Variants in EVA1C observed in about 807,000 individuals in gnomAD.
EVA1C encodes the protein protein eva-1 homolog C.
Under a neutral mutation model 45.4 loss-of-function variants are expected in EVA1C, and 25 were observed. That is an observed-to-expected ratio of 0.55 (90% CI 0.40 to 0.77). The LOEUF is 0.77. Among genes scored for constraint, EVA1C ranks in the 30% least tolerant of loss-of-function variants. EVA1C has a pLI of 0.00. For synonymous variants in EVA1C, 190 were observed against 221.2 expected (o/e 0.86, Z 1.25); for missense variants, 479 against 554.8 (o/e 0.86, Z 1.37).
At chr21:32,436,662 T>C (rs1440002564) in intron 1 of EVA1C, among the ~76,000 whole-genome samples, 3 of 152,304 alleles carry the variant, frequency 2.0e-5, no homozygotes, top group Non-Finnish European at 4.4e-5. Context: ...TCAGCATCTC[T>C]CGCAGACTCC....
At chr21:32,416,304 CTTTTCT>C (rs951071590) in intron 1 of EVA1C, among the ~76,000 whole-genome samples, 1 of 134,544 alleles carries the variant, frequency 7.4e-6, no homozygotes, top group Non-Finnish European at 1.5e-5. Flanking sequence ...CCTTTCTCTC[CTTTTCT>C]TTTTCTTTTT....
chr21:32,460,755 T>TC (rs756214167), intron 3 of EVA1C, among the ~76,000 whole-genome samples: 4 of 127,340 alleles, frequency 3.1e-5, no homozygotes, highest in Non-Finnish European at 6.6e-5. Context: ...CACAGAAGAA[T>TC]CTTTTTTTTG....
chr21:32,466,644 A>C (rs2036185290), intron 3 of EVA1C, among the ~76,000 whole-genome samples: 1 of 152,194 alleles, frequency 6.6e-6, no homozygotes, highest in Non-Finnish European at 1.5e-5. Flanking sequence ...TACCTGGTCC[A>C]AAACATCCTA....
chr21:32,425,832 T>C (rs2034467278), intron 1 of EVA1C, among the ~76,000 whole-genome samples: 2 of 152,216 alleles, frequency 1.3e-5, no homozygotes. Context: ...CATCTGACAC[T>C]GTCCAGGACA....
At chr21:32,417,517 A>G (rs1323050155) in intron 1 of EVA1C, among the ~76,000 whole-genome samples, 1 of 152,214 alleles carries the variant, frequency 6.6e-6, no homozygotes, top group Non-Finnish European at 1.5e-5. Context: ...AAATACTATC[A>G]TAGTCTGAAG....
intron 5 of EVA1C, among the ~76,000 whole-genome samples, chr21:32,498,634 A>C (rs1397001698): frequency 6.6e-6 from 1 of 152,054 alleles, no homozygotes; most frequent in Non-Finnish European, 1.5e-5. Flanking sequence ...AATTCTTCCA[A>C]AGAGAACCAT....
At position 32,471,753 on chromosome 21, in the gene EVA1C, C is replaced by T. The variant is rs556827160; in HGVS notation, c.634+3905C>T. 2.9e-4 allele frequency among the ~76,000 whole-genome samples: 44 copies of T among 152,082 alleles called. No individual in the cohort carries two copies. In the East Asian group the frequency reaches 7.4e-3, roughly 25 times the overall value. The stretch of plus-strand genomic sequence containing the variant: ...ATGCCATTCTCCTGCCTCAGCCTCC[C>T]GAGTAACTCGAACTACAGGTGCCCG... On this transcript the variant is annotated intron_variant, in intron 4 of 7. Coordinates refer to ENST00000300255, the MANE Select transcript of EVA1C (RefSeq NM_058187.5).
At chr21:32,489,430 G>A (rs2037081602) in intron 4 of EVA1C, among the ~76,000 whole-genome samples, 1 of 152,142 alleles carries the variant, frequency 6.6e-6, no homozygotes, top group Non-Finnish European at 1.5e-5. Flanking sequence ...TTTATTTCTA[G>A]GCTTTCTATT....
chr21:32,485,058 A>G (rs1482655771), intron 4 of EVA1C, among the ~76,000 whole-genome samples: 2 of 152,134 alleles, frequency 1.3e-5, no homozygotes, highest in Non-Finnish European at 1.5e-5. Flanking sequence ...TATTAGACGC[A>G]TGCGTCTTCC....
At chr21:32,484,689 C>T (rs1307679095) in intron 4 of EVA1C, among the ~76,000 whole-genome samples, 2 of 152,282 alleles carry the variant, frequency 1.3e-5, no homozygotes, top group South Asian at 2.1e-4. Flanking sequence ...TCTCTGGCCC[C>T]TTTTTCTCAG....
At chr21:32,507,171 G>A (rs1015507744) in intron 7 of EVA1C, among the ~76,000 whole-genome samples, 3 of 152,110 alleles carry the variant, frequency 2.0e-5, no homozygotes, top group Non-Finnish European at 4.4e-5. Context: ...CATCTCCTGG[G>A]GTCATCTGAA....
chr21:32,455,239 A>G (rs2146257159), intron 2 of EVA1C, among the ~76,000 whole-genome samples: 1 of 152,266 alleles, frequency 6.6e-6, no homozygotes, highest in South Asian at 2.1e-4. Flanking sequence ...AAGGGGCAAG[A>G]GAAGGAGAGA....
chr21:32,448,644 C>T (rs2035451031), intron 1 of EVA1C, among the ~76,000 whole-genome samples: 2 of 152,078 alleles, frequency 1.3e-5, no homozygotes, highest in African/African-American at 4.8e-5. Context: ...CACTGTGGCT[C>T]ACACCTGTAA....
At chr21:32,475,931 A>ATCTATCTATCTATC (rs1343358683) in intron 4 of EVA1C, among the ~76,000 whole-genome samples, 9 of 130,126 alleles carry the variant, frequency 6.9e-5, no homozygotes, top group Non-Finnish European at 1.0e-4. Context: ...ATCTATCTAT[A>ATCTATCTATCTATC]TAAACAGGAA....
At position 32,467,788 on chromosome 21, in the gene EVA1C, G is replaced by A. The variant is rs775232224; in HGVS notation, c.574G>A (p.Gly192Ser). ...KFLNIYSATYGRRTQERDICS... is the reference protein window; with the variant it reads ...KFLNIYSATYSRRTQERDICS... ...CCTCAACATCTACTCTGCGACCTAC[G>A]GCAGGAGGACCCAGGAAAGGGACAT... The change falls in exon 4 of 8, where the codon GGC (glycine) becomes AGC (serine). Residue 192 changes from glycine to serine, a missense_variant. Transcript: ENST00000300255. 2.7e-5 allele frequency: 43 copies of A among 1,612,932 alleles called. 1 individual carries two copies. In the South Asian group the frequency reaches 3.0e-4, roughly 11 times the overall value.
At chr21:32,507,808 G>A (rs1227649887) in intron 7 of EVA1C, among the ~76,000 whole-genome samples, 1 of 149,430 alleles carries the variant, frequency 6.7e-6, no homozygotes, top group Admixed American at 6.7e-5. Flanking sequence ...ATCTCTGTGT[G>A]CATGTATGTA....
intron 3 of EVA1C, among the ~76,000 whole-genome samples, chr21:32,462,955 C>T (rs1019922278): frequency 2.6e-5 from 4 of 152,114 alleles, no homozygotes; most frequent in Non-Finnish European, 5.9e-5. Context: ...GGCTGTGAGA[C>T]CCCTGATTTC....
At chr21:32,432,172 T>C (rs1192968291) in intron 1 of EVA1C, among the ~76,000 whole-genome samples, 1 of 152,114 alleles carries the variant, frequency 6.6e-6, no homozygotes, top group East Asian at 1.9e-4. Flanking sequence ...GTCACAGCAA[T>C]GGTATCATGT....
At chr21:32,432,328 C>T (rs1352529253) in intron 1 of EVA1C, among the ~76,000 whole-genome samples, 1 of 152,094 alleles carries the variant, frequency 6.6e-6, no homozygotes, top group African/African-American at 2.4e-5. Flanking sequence ...CTCTGATTAA[C>T]TGATCATCTT....
Sources: allele counts gnomAD v4.1 joint callset (sites outside exome capture counted in the v4.1 genomes callset), GRCh38; gene constraint gnomAD v4.1.1; transcripts MANE v1.5; gene names NCBI Gene and HGNC (gene_info 2026-07-23, HGNC 2026-07-21).